The following FBN1 variants were observed in gnomAD, a reference collection of about 807,000 sequenced individuals.
FBN1 encodes the protein fibrillin-1.
In FBN1, 29 loss-of-function variants were observed where a neutral mutation model predicts 365.1. The observed-to-expected ratio is 0.08, with a 90% CI of 0.06 to 0.11. The LOEUF (loss-of-function observed/expected upper bound fraction) is 0.11. Among genes scored for constraint, FBN1 ranks in the 10% least tolerant of loss-of-function variants. The pLI is 1.00. For synonymous variants in FBN1, 1,210 were observed against 1,270.5 expected, an observed-to-expected ratio of 0.95 and a Z score of 1.01; for missense variants, 2,476 against 3,703.2, an observed-to-expected ratio of 0.67 and a Z score of 8.60.
intron 6 of FBN1, among the ~76,000 whole-genome samples, chr15:48,561,915 A>G (rs2044224796): frequency 6.6e-6 from 1 of 152,190 alleles, no homozygotes; most frequent in Non-Finnish European, 1.5e-5. Context: ...TATTGGTAAA[A>G]AGCCCAAATT....
Position 48,505,115 on chromosome 15 carries a change from T to A in FBN1, c.1870A>T (p.Met624Leu). The change falls in exon 16 of 66, where the codon ATG (methionine) becomes TTG (leucine). Residue 624 changes from methionine to leucine, a missense_variant. Physicochemically the swap from Met to Leu is conservative, Grantham distance 15. Transcript: ENST00000316623. ...INECETPGIC[M>L]NGRCVNTDGS... Reference sequence around the variant, plus strand: ...TCAGTGTTGACGCAACGCCCATTCATGCAGATCCCAGGGGTTTCACACTCG... The same window carrying A: ...TCAGTGTTGACGCAACGCCCATTCAAGCAGATCCCAGGGGTTTCACACTCG... 2 of 1,614,198 alleles carry A rather than the reference T, an allele frequency of 1.2e-6. No individual in the cohort carries two copies. The highest frequency in any genetic ancestry group is 1.7e-6 in the Non-Finnish European group (2 of 1,180,028).
chr15:48,527,191 A>T (rs1259646401), intron 8 of FBN1, among the ~76,000 whole-genome samples: 1 of 152,222 alleles, frequency 6.6e-6, no homozygotes, highest in African/African-American at 2.4e-5. Flanking sequence ...AAACATCCTG[A>T]ATGCTATGGA....
rs1422959121 is a variant in FBN1, at chr15:48,534,185, T to C, written c.757A>G (p.Ile253Val). 1 of 1,612,724 alleles carries C rather than the reference T, an allele frequency of 6.2e-7. No individual in the cohort carries two copies. The highest frequency in any genetic ancestry group is 1.3e-5 in the African/African-American group (1 of 74,604). ...TTTCCTCCCTGACAGAGCCCGGGGATGGCCTGGCATTCATCCACATCTGTC... is the reference window on the plus strand; with the variant it reads ...TTTCCTCCCTGACAGAGCCCGGGGACGGCCTGGCATTCATCCACATCTGTC... ...ACQDVDECQA[I>V]PGLCQGGNCI... Residue 253 changes from isoleucine to valine, a missense_variant, in exon 8 of 66, where the codon ATC becomes GTC. Ile to Val is a conservative substitution (Grantham distance 29, BLOSUM62 3). Coordinates refer to ENST00000316623, the MANE Select transcript of FBN1 (RefSeq NM_000138.5).
chr15:48,504,941 G>C (rs2043695327), intron 16 of FBN1, 84 bp downstream of exon 16: 1 of 1,552,404 alleles, frequency 6.4e-7, no homozygotes, highest in Non-Finnish European at 8.9e-7. Flanking sequence ...ATCTGCTACA[G>C]TAGAGAGCGT....
At chr15:48,521,769 C>T (rs2043857710) in intron 9 of FBN1, among the ~76,000 whole-genome samples, 1 of 152,218 alleles carries the variant, frequency 6.6e-6, no homozygotes, top group Admixed American at 6.5e-5. Context: ...GTGTACCTCT[C>T]TTCAAGTAAA....
At chr15:48,589,921 G>A (rs1164455524) in intron 6 of FBN1, among the ~76,000 whole-genome samples, 2 of 152,094 alleles carry the variant, frequency 1.3e-5, no homozygotes, top group African/African-American at 4.8e-5. Flanking sequence ...CTGCCACATT[G>A]TTACTTTCCA....
chr15:48,516,084 A>G, intron 11 of FBN1, 99 bp downstream of exon 11: 1 of 1,193,692 alleles, frequency 8.4e-7, no homozygotes, highest in Non-Finnish European at 1.2e-6. Flanking sequence ...ATAACAATTT[A>G]CAAACTTATT....
chr15:48,555,932 CTGAAAGAAACTTTCCACT>C (rs2044176815), intron 6 of FBN1, among the ~76,000 whole-genome samples: 1 of 152,162 alleles, frequency 6.6e-6, no homozygotes, highest in Non-Finnish European at 1.5e-5. Flanking sequence ...ATGGGGGTTT[CTGAAAGAAACTTTCCACT>C]AGCTCTATAA....
Position 48,463,129 on chromosome 15 carries a change from C to G in FBN1, c.5177G>C (p.Gly1726Ala). The change falls in exon 42 of 66, where the codon GGC becomes GCC. Residue 1726 changes from glycine to alanine, a missense_variant. This residue lies in a region of FBN1 where 1,780 missense variants were observed against 2,840.8 expected (regional missense o/e 0.63). Coordinates refer to ENST00000316623, the MANE Select transcript of FBN1 (RefSeq NM_000138.5). ...TTCACAGGGCTTGTTCCACGCCCGG[C>G]CAATGTTGTAGGAACAGCAGCACAT... Reference protein sequence around the residue: ...KKMCCCSYNIGRAWNKPCEQC... With the variant: ...KKMCCCSYNIARAWNKPCEQC... 6.2e-7 allele frequency: 1 copy of G among 1,614,106 alleles called. No individual in the cohort carries two copies.
chr15:48,504,032 A>T, intron 16 of FBN1, 93 bp from the exon 17 acceptor site: 1 of 1,468,638 alleles, frequency 6.8e-7, no homozygotes, highest in Non-Finnish European at 9.4e-7. Context: ...TTTATCCATC[A>T]TCCCTGGTGT....
Position 48,441,854 on chromosome 15 carries a change from A to G in FBN1, c.6038-8T>C. The G allele has an allele frequency of 6.2e-7, 1 of 1,612,854 alleles. No homozygotes were observed. Among genetic ancestry groups the G allele is most frequent in the Non-Finnish European group, 8.5e-7 (1 of 1,179,500 alleles). ...CGACACACTCATCAATATCTAAAAG[A>G]ATCACATGAGTCAAACAAAGTCAAA... On this transcript the variant is annotated splice_polypyrimidine_tract_variant and splice_region_variant and intron_variant, in intron 49 of 65. Coordinates refer to ENST00000316623, the MANE Select transcript of FBN1 (RefSeq NM_000138.5).
rs555802822 is a variant in FBN1 at position 48,622,238 on chromosome 15, G to C, written c.165-9146C>G. On this transcript the variant is annotated intron_variant, in intron 2 of 65. Transcript: ENST00000316623. ...AAAGTGACTAAGACACACAGTCTTT[G>C]CTCTTGAGGATCTTACAGTCTAGGA... is the stretch of plus-strand genomic sequence containing the variant. 3.5e-4 allele frequency among the ~76,000 whole-genome samples: 53 copies of C among 152,298 alleles called. No homozygotes were observed. The South Asian group carries it at 0.01, about 30-fold the overall frequency.
At chr15:48,561,708 A>C (rs1161593883) in intron 6 of FBN1, among the ~76,000 whole-genome samples, 1 of 152,194 alleles carries the variant, frequency 6.6e-6, no homozygotes, top group Non-Finnish European at 1.5e-5. Flanking sequence ...CAGACTATGG[A>C]AAAAGTATCT....
intron 23 of FBN1, among the ~76,000 whole-genome samples, 173 bp downstream of exon 23, chr15:48,494,030 AG>A (rs2043582086): frequency 6.6e-6 from 1 of 152,218 alleles, no homozygotes; most frequent in Admixed American, 6.5e-5. Flanking sequence ...CACTAGCAAC[AG>A]TATATATATG....
At chr15:48,570,779 G>A (rs1717475099) in intron 6 of FBN1, among the ~76,000 whole-genome samples, 1 of 152,206 alleles carries the variant, frequency 6.6e-6, no homozygotes, top group Admixed American at 6.5e-5. Flanking sequence ...AAGCCTTTCA[G>A]TCAGCTAAGG....
At chr15:48,451,120 T>A (rs1476384316) in intron 45 of FBN1, among the ~76,000 whole-genome samples, 1 of 152,220 alleles carries the variant, frequency 6.6e-6, no homozygotes, top group African/African-American at 2.4e-5. Flanking sequence ...GTAAATGACT[T>A]AAGCTCCAGC....
chr15:48,502,920 G>A (rs1009038091), intron 17 of FBN1, among the ~76,000 whole-genome samples: 9 of 152,126 alleles, frequency 5.9e-5, no homozygotes, highest in African/African-American at 1.9e-4. Flanking sequence ...ATTCTGACTC[G>A]CTATCCAGTT....
intron 6 of FBN1, among the ~76,000 whole-genome samples, chr15:48,556,889 C>A (rs1364150169): frequency 6.6e-6 from 1 of 152,172 alleles, no homozygotes; most frequent in South Asian, 2.1e-4. Context: ...AAAAGCATCA[C>A]CCAGTGAGTT....
chr15:48,635,590 T>C (rs887556828), intron 2 of FBN1, among the ~76,000 whole-genome samples: 10 of 152,134 alleles, frequency 6.6e-5, no homozygotes, highest in African/African-American at 2.2e-4. Context: ...TAAATAGAAA[T>C]TGAAAATAAA....
Sources: gnomAD v4.1 joint callset for allele counts (sites outside exome capture counted in the v4.1 genomes callset) on GRCh38, gnomAD v4.1.1 for gene constraint, gnomAD v4.1.1 regional missense constraint, MANE v1.5 for transcripts, NCBI Gene and HGNC (gene_info 2026-07-23, HGNC 2026-07-21) for gene names.